The following NTMT2 variants were observed in gnomAD, a reference collection of about 807,000 sequenced individuals.
The protein encoded by NTMT2 is X-Pro-Lys N-terminal protein methyltransferase 1B.
A neutral mutation model predicts 23.4 loss-of-function variants in NTMT2; 21 were observed. The observed-to-expected ratio is 0.90, with a 90% CI of 0.64 to 1.29. The LOEUF (loss-of-function observed/expected upper bound fraction) is 1.29, where lower values mean the gene tolerates loss of function less well. Among genes scored for constraint, NTMT2 ranks in the 50% most tolerant of loss-of-function variants. The probability of loss-of-function intolerance (pLI) is 0.00; values close to 1 mark genes in which losing one functional copy is unlikely to be tolerated. For missense variants in NTMT2, 336 were observed against 352.0 expected, an observed-to-expected ratio of 0.95 and a Z score of 0.36; for synonymous variants, 131 against 127.7, an observed-to-expected ratio of 1.03 and a Z score of -0.17.
intron 1 of NTMT2, chr1:170,157,933 T>G (rs532258953): frequency 3.9e-5 from 6 of 152,160 alleles, no homozygotes; most frequent in African/African-American, 1.4e-4. Flanking sequence ...TTGAAGTCTA[T>G]GTTTTGTCTT....
At chr1:170,152,205 G>A (rs865959932) in intron 1 of NTMT2, among the ~76,000 whole-genome samples, 3 of 152,154 alleles carry the variant, frequency 2.0e-5, no homozygotes, top group Non-Finnish European at 4.4e-5. Context: ...GGAGAGAGAC[G>A]TACACAAATA....
chr1:170,148,394 G>A (rs755816846), intron 1 of NTMT2, among the ~76,000 whole-genome samples: 2 of 151,526 alleles, frequency 1.3e-5, no homozygotes, highest in East Asian at 1.9e-4. Context: ...CTCGTGATCC[G>A]CCCGTCCAGA....
chr1:170,148,623 C>T (rs77935077), intron 1 of NTMT2, among the ~76,000 whole-genome samples: 4,156 of 152,202 alleles, frequency 0.027, 84 homozygotes, highest in South Asian at 0.046. Context: ...AAATTTAGGG[C>T]TATGTTAGTC....
intron 1 of NTMT2, among the ~76,000 whole-genome samples, chr1:170,156,351 A>T (rs951636147): frequency 6.6e-6 from 1 of 152,146 alleles, no homozygotes; most frequent in Non-Finnish European, 1.5e-5. Context: ...TCATGAATGA[A>T]CTGTCTTTTG....
At chr1:170,155,208 T>C (rs1443600965) in intron 1 of NTMT2, among the ~76,000 whole-genome samples, 1 of 152,142 alleles carries the variant, frequency 6.6e-6, no homozygotes, top group Non-Finnish European at 1.5e-5. Flanking sequence ...TTCTTTATAG[T>C]AACACAAGAA....
intron 1 of NTMT2, among the ~76,000 whole-genome samples, chr1:170,158,624 A>G (rs1203015626): frequency 1.3e-5 from 2 of 151,858 alleles, no homozygotes; most frequent in Admixed American, 1.3e-4. Flanking sequence ...ATTTTCTTCT[A>G]TTACTTTCTT....
intron 2 of NTMT2, among the ~76,000 whole-genome samples, chr1:170,166,284 C>T (rs12744233): frequency 1.8e-4 from 25 of 141,780 alleles, no homozygotes; most frequent in African/African-American, 4.7e-4. Context: ...GGACTACAGG[C>T]GCCCACCATC....
intron 1 of NTMT2, among the ~76,000 whole-genome samples, chr1:170,157,192 A>T (rs1305522522): frequency 6.6e-6 from 1 of 152,086 alleles, no homozygotes; most frequent in East Asian, 1.9e-4. Flanking sequence ...GGGAAGGGAG[A>T]TTGGTGTTGA....
rs192570061 is a variant in NTMT2, at chr1:170,168,608, T to A, written c.*851T>A. Among the ~76,000 whole-genome samples the A allele has an allele frequency of 3.9e-3, 588 of 152,334 alleles. 4 individuals carry two copies. The highest frequency in any genetic ancestry group is 7.8e-3 in the Admixed American group (120 of 15,310). On this transcript the variant is annotated 3_prime_UTR_variant, in exon 4 of 4. Transcript: ENST00000439373. The stretch of plus-strand genomic sequence containing the variant: ...TTGATAACAGAAGTCTGCATTACAG[T>A]GATGGGAAGTATCTCCTTTCAGGAG...
At chr1:170,148,295 C>G (rs1673007103) in intron 1 of NTMT2, among the ~76,000 whole-genome samples, 2 of 151,456 alleles carry the variant, frequency 1.3e-5, no homozygotes, top group African/African-American at 2.4e-5. Flanking sequence ...ACTACAGTCC[C>G]CCGCTACCAT....
rs372010040 is a variant in NTMT2 at position 170,166,540 on chromosome 1, C to A, written c.369C>A (p.Cys123Ter). 4 of 1,552,244 alleles carry A rather than the reference C, an allele frequency of 2.6e-6. No individual in the cohort carries two copies. The highest frequency in any genetic ancestry group is 3.5e-6 in the Non-Finnish European group (4 of 1,147,114). Residue 123 changes from cysteine (C) to a stop codon, truncating the protein, a stop_gained, in exon 3 of 4, where the codon TGC becomes TGA. Coordinates refer to ENST00000439373, the MANE Select transcript of NTMT2 (RefSeq NM_001136107.2). LOFTEE classifies it high-confidence loss of function. ...CTGGAACAGACTGCGCCTTGGACTG[C>A]GGCTCCGGGATAGGAAGGGTCAGCA... ...GRAGTDCALD[C>*]GSGIGRVSKH...
Position 170,163,504 on chromosome 1 carries a change from T to C in NTMT2, c.330+2811T>C, listed in dbSNP as rs7514464. Among the ~76,000 whole-genome samples the C allele has an allele frequency of 7.2e-3, 1,091 of 152,378 alleles. 11 individuals carry two copies. The highest frequency in any genetic ancestry group is 0.025 in the African/African-American group (1,050 of 41,590). ...TGATACCAAGATGATGTCAATGCCA[T>C]AGTTGATAACTTTCCTGTTTTAGCT... On this transcript the variant is annotated intron_variant, in intron 2 of 3. Transcript: ENST00000439373.
At chr1:170,147,895 C>CT (rs564447850) in intron 1 of NTMT2, among the ~76,000 whole-genome samples, 1 of 152,086 alleles carries the variant, frequency 6.6e-6, no homozygotes, top group Non-Finnish European at 1.5e-5. Flanking sequence ...GTCTCAATCC[C>CT]TTTTTTTGTT....
At chr1:170,148,260 T>A (rs974400123) in intron 1 of NTMT2, among the ~76,000 whole-genome samples, 2 of 146,028 alleles carry the variant, frequency 1.4e-5, no homozygotes, top group African/African-American at 2.5e-5. Context: ...TCCATTCTCC[T>A]GCCTCAGCCT....
intron 1 of NTMT2, among the ~76,000 whole-genome samples, chr1:170,156,209 G>A (rs931789785): frequency 1.3e-5 from 2 of 151,976 alleles, no homozygotes; most frequent in Admixed American, 6.6e-5. Flanking sequence ...CATGCCCAGC[G>A]CATTTTTTTG....
Position 170,168,298 on chromosome 1 carries a change from T to C in NTMT2, c.*541T>C, listed in dbSNP as rs898008742. On this transcript the variant is annotated 3_prime_UTR_variant, in exon 4 of 4. Transcript: ENST00000439373. Reference sequence around the variant, plus strand: ...ACATATTCCAAACTGTCTTGTTCCCTGATAATTAGTATTATAGAGTATTCT... The same window carrying C: ...ACATATTCCAAACTGTCTTGTTCCCCGATAATTAGTATTATAGAGTATTCT... 2.0e-5 allele frequency among the ~76,000 whole-genome samples: 3 copies of C among 150,974 alleles called. No homozygotes were observed. Among genetic ancestry groups the C allele is most frequent in the African/African-American group, 7.3e-5 (3 of 41,050 alleles).
At chr1:170,146,822 G>T (rs1313632422) in intron 1 of NTMT2, among the ~76,000 whole-genome samples, 1 of 151,816 alleles carries the variant, frequency 6.6e-6, no homozygotes, top group East Asian at 1.9e-4. Flanking sequence ...AGAAGTCAGT[G>T]GTCTGTCTCC....
intron 3 of NTMT2, among the ~76,000 whole-genome samples, chr1:170,167,070 AG>A (rs1673409398): frequency 6.6e-6 from 1 of 152,236 alleles, no homozygotes; most frequent in African/African-American, 2.4e-5. Context: ...GCAGTCAAAA[AG>A]GTTAATCCCC....
At chr1:170,165,217 T>C (rs909815233) in intron 2 of NTMT2, among the ~76,000 whole-genome samples, 4 of 152,174 alleles carry the variant, frequency 2.6e-5, no homozygotes, top group African/African-American at 9.7e-5. Flanking sequence ...TTAGACCATC[T>C]GAATCTTCAT....
Sources: gnomAD v4.1 joint callset for allele counts (sites outside exome capture counted in the v4.1 genomes callset) on GRCh38, gnomAD v4.1.1 for gene constraint, MANE v1.5 for transcripts, NCBI Gene and HGNC (gene_info 2026-07-23, HGNC 2026-07-21) for gene names.